The following PPP2R2C variants were observed in gnomAD, a reference collection of about 807,000 sequenced individuals.
PPP2R2C encodes the protein protein phosphatase 2 regulatory subunit Bgamma, also known as protein phosphatase 2, regulatory subunit B, gamma.
Under a neutral mutation model 45.3 loss-of-function variants are expected in PPP2R2C, and 10 were observed. That is an observed-to-expected ratio of 0.22 (90% confidence interval 0.14 to 0.37). The LOEUF (loss-of-function observed/expected upper bound fraction) is 0.37. Ranked by LOEUF, PPP2R2C falls within the 10% of genes least tolerant of loss-of-function variation. The pLI, the probability that PPP2R2C is intolerant of heterozygous loss-of-function variation, is 1.00. For synonymous variants in PPP2R2C, 257 were observed against 245.4 expected (o/e 1.05, Z -0.44); for missense variants, 308 against 619.7 (o/e 0.50, Z 5.34).
At position 6,522,735 on chromosome 4, in the gene PPP2R2C, G is replaced by T. The variant is rs138010757; in HGVS notation, c.49+12536C>A. On this transcript the variant is annotated intron_variant, in intron 2 of 9. Coordinates refer to the PPP2R2C transcript ENST00000506140. ...ACAGGATGCTGAGGTCTCAGCAGGG[G>T]TCTGCCCTGGGGCCCTTCTCCTTGG... Among the ~76,000 whole-genome samples, 112 of 152,386 alleles carry T rather than the reference G, an allele frequency of 7.3e-4. No homozygotes were observed. The East Asian group carries it at 0.016, about 22-fold the overall frequency.
chr4:6,513,173 A>C (rs754858519), intron 2 of PPP2R2C, among the ~76,000 whole-genome samples: 2 of 152,206 alleles, frequency 1.3e-5, no homozygotes, highest in Non-Finnish European at 2.9e-5. Flanking sequence ...ATTCATTCAC[A>C]AGCATTTAAT....
intron 1 of PPP2R2C, among the ~76,000 whole-genome samples, chr4:6,468,084 T>C (rs1721678698): frequency 6.6e-6 from 1 of 152,204 alleles, no homozygotes; most frequent in South Asian, 2.1e-4. Context: ...TGTGTTCTCC[T>C]TGGAAGAAGA....
chr4:6,556,269 C>G (rs1438624861), intron 1 of PPP2R2C, among the ~76,000 whole-genome samples: 1 of 152,170 alleles, frequency 6.6e-6, no homozygotes, highest in Admixed American at 6.5e-5. Flanking sequence ...GGGCCTCCCC[C>G]AGTTTGTTCA....
chr4:6,383,332 T>C, intron 1 of PPP2R2C: 1 of 1,287,704 alleles, frequency 7.8e-7, no homozygotes. Context: ...GAATCGCAGA[T>C]GCAAGATGAT....
At chr4:6,398,640 A>C (rs1717214242) in intron 1 of PPP2R2C, among the ~76,000 whole-genome samples, 1 of 152,146 alleles carries the variant, frequency 6.6e-6, no homozygotes, top group Non-Finnish European at 1.5e-5. Context: ...CCCCTCACAC[A>C]CTGCTGGGGG....
chr4:6,513,901 G>A (rs751429268), intron 2 of PPP2R2C, among the ~76,000 whole-genome samples: 3 of 152,158 alleles, frequency 2.0e-5, no homozygotes, highest in Non-Finnish European at 4.4e-5. Flanking sequence ...AATCACCTCC[G>A]GTTCAGAATA....
At chr4:6,361,871 A>G (rs1713769857) in intron 5 of PPP2R2C, among the ~76,000 whole-genome samples, 1 of 152,226 alleles carries the variant, frequency 6.6e-6, no homozygotes, top group African/African-American at 2.4e-5. Context: ...ATTTAGCTCC[A>G]TGATCGATCG....
chr4:6,424,740 G>A (rs1269443234), intron 1 of PPP2R2C, among the ~76,000 whole-genome samples: 1 of 152,154 alleles, frequency 6.6e-6, no homozygotes, highest in Non-Finnish European at 1.5e-5. Flanking sequence ...GACCGTGTGG[G>A]AGATGCAGGG....
At chr4:6,462,436 G>T (rs1721375261) in intron 1 of PPP2R2C, among the ~76,000 whole-genome samples, 1 of 152,082 alleles carries the variant, frequency 6.6e-6, no homozygotes, top group Non-Finnish European at 1.5e-5. Flanking sequence ...CCAAGATCAC[G>T]CCATTGTACT....
At chr4:6,375,140 G>A (rs1715189763) in intron 4 of PPP2R2C, among the ~76,000 whole-genome samples, 1 of 152,122 alleles carries the variant, frequency 6.6e-6, no homozygotes, top group Non-Finnish European at 1.5e-5. Context: ...TGGGGCAGGG[G>A]GCACCAGCAC....
intron 2 of PPP2R2C, among the ~76,000 whole-genome samples, chr4:6,507,516 T>C (rs967491759): frequency 2.0e-5 from 3 of 152,366 alleles, no homozygotes; most frequent in East Asian, 1.9e-4. Flanking sequence ...TCTCTATGTG[T>C]GGAGTGAGAG....
intron 1 of PPP2R2C, among the ~76,000 whole-genome samples, chr4:6,385,863 G>A (rs552858628): frequency 9.9e-5 from 15 of 152,188 alleles, no homozygotes; most frequent in South Asian, 4.2e-4. Flanking sequence ...CACCGCGCCC[G>A]GCCTACAAGT....
At chr4:6,485,993 G>A (rs1274996478) in intron 2 of PPP2R2C, among the ~76,000 whole-genome samples, 4 of 151,736 alleles carry the variant, frequency 2.6e-5, no homozygotes, top group African/African-American at 9.7e-5. Flanking sequence ...CATTGATTAG[G>A]AACTTCCTTC....
intron 1 of PPP2R2C, among the ~76,000 whole-genome samples, chr4:6,416,131 C>A (rs1446057633): frequency 6.6e-6 from 1 of 152,228 alleles, no homozygotes; most frequent in Non-Finnish European, 1.5e-5. Context: ...TTTCCAAAAA[C>A]AACCTACTCC....
intron 1 of PPP2R2C, among the ~76,000 whole-genome samples, chr4:6,407,087 A>C (rs546558807): frequency 6.6e-6 from 1 of 152,350 alleles, no homozygotes; most frequent in African/African-American, 2.4e-5. Context: ...CCTGCAGGCT[A>C]CAGAGGGAAC....
At chr4:6,470,945 C>CCCCGAGCCCG (rs1374689415) in intron 1 of PPP2R2C, among the ~76,000 whole-genome samples, 3 of 151,728 alleles carry the variant, frequency 2.0e-5, no homozygotes, top group African/African-American at 4.8e-5. Context: ...GGCCAGGGCG[C>CCCCGAGCCCG]CCCGAGCCCG....
chr4:6,362,756 G>C (rs1713904652), intron 5 of PPP2R2C, among the ~76,000 whole-genome samples: 1 of 152,194 alleles, frequency 6.6e-6, no homozygotes, highest in Admixed American at 6.5e-5. Context: ...CCCAGCACCA[G>C]GCAGGCTGCA....
chr4:6,468,066 G>A (rs1404216660), intron 1 of PPP2R2C, among the ~76,000 whole-genome samples: 3 of 152,150 alleles, frequency 2.0e-5, no homozygotes. Context: ...CTCTTACTAG[G>A]AACCATATGT....
At chr4:6,431,561 G>A (rs931756694) in intron 1 of PPP2R2C, among the ~76,000 whole-genome samples, 5 of 152,212 alleles carry the variant, frequency 3.3e-5, no homozygotes, top group South Asian at 2.1e-4. Flanking sequence ...GTCCAAAGCT[G>A]TGGAGGGGAC....
Sources: gnomAD v4.1 joint callset for allele counts (sites outside exome capture counted in the v4.1 genomes callset) on GRCh38, gnomAD v4.1.1 for gene constraint, MANE v1.5 for transcripts, NCBI Gene and HGNC (gene_info 2026-07-23, HGNC 2026-07-21) for gene names.